Variants in EYA4 observed in about 807,000 individuals in gnomAD.
EYA4 encodes protein phosphatase EYA4.
Under a neutral mutation model 87.9 loss-of-function variants are expected in EYA4, and 31 were observed. The observed-to-expected ratio is 0.35, with a 90% CI of 0.27 to 0.48. The LOEUF is 0.48. EYA4 is among the 20% of genes least tolerant of loss of function. The pLI is 0.99. For missense variants in EYA4, 678 were observed against 761.4 expected, an observed-to-expected ratio of 0.89 and a Z score of 1.29; for synonymous variants, 263 against 270.6, an observed-to-expected ratio of 0.97 and a Z score of 0.28.
At chr6:133,257,809 T>G (rs1775458291) in intron 1 of EYA4, among the ~76,000 whole-genome samples, 1 of 152,204 alleles carries the variant, frequency 6.6e-6, no homozygotes, top group Admixed American at 6.5e-5. Context: ...TTTCCTGACA[T>G]GTGCTTTAGA....
chr6:133,430,051 A>G (rs533746515), intron 3 of EYA4, among the ~76,000 whole-genome samples: 10 of 152,042 alleles, frequency 6.6e-5, no homozygotes, highest in Non-Finnish European at 5.9e-5. Context: ...CCTAGTGTCT[A>G]TTGTTCCCAT....
chr6:133,378,926 GGTGT>G (rs10681162), intron 2 of EYA4, among the ~76,000 whole-genome samples: 4,222 of 141,792 alleles, frequency 0.03, 111 homozygotes, highest in South Asian at 0.13. Flanking sequence ...TTTCTGTCTT[GGTGT>G]GTGTGTGTGT....
chr6:133,512,279 C>A (rs1799219344), intron 14 of EYA4, among the ~76,000 whole-genome samples: 1 of 152,112 alleles, frequency 6.6e-6, no homozygotes, highest in Non-Finnish European at 1.5e-5. Flanking sequence ...TGAAGGCAAG[C>A]CCCTCTGTTG....
intron 3 of EYA4, among the ~76,000 whole-genome samples, chr6:133,417,882 C>T (rs1452918739): frequency 6.6e-6 from 1 of 152,114 alleles, no homozygotes; most frequent in African/African-American, 2.4e-5. Flanking sequence ...CCACAGGCGC[C>T]CTTTCACTCA....
At chr6:133,480,888 C>G (rs1796152154) in intron 11 of EYA4, among the ~76,000 whole-genome samples, 2 of 151,614 alleles carry the variant, frequency 1.3e-5, no homozygotes, top group Non-Finnish European at 2.9e-5. Context: ...ATGGAAATTC[C>G]AGGTCAGAGG....
chr6:133,274,372 T>G (rs1373108798), intron 1 of EYA4, among the ~76,000 whole-genome samples: 1 of 152,214 alleles, frequency 6.6e-6, no homozygotes, highest in Non-Finnish European at 1.5e-5. Context: ...AATGGTTAAT[T>G]CAAACTCTTG....
chr6:133,401,175 A>G (rs1333205461), intron 3 of EYA4, among the ~76,000 whole-genome samples: 1 of 152,176 alleles, frequency 6.6e-6, no homozygotes, highest in Non-Finnish European at 1.5e-5. Context: ...ACTCCTATGT[A>G]GGAGCTAAAA....
intron 2 of EYA4, among the ~76,000 whole-genome samples, chr6:133,319,818 C>T (rs1210845548): frequency 6.6e-6 from 1 of 151,502 alleles, no homozygotes; most frequent in South Asian, 2.1e-4. Context: ...CCAGCTCAAG[C>T]GATCCTCCCA....
intron 1 of EYA4, among the ~76,000 whole-genome samples, chr6:133,243,088 T>G (rs1312471764): frequency 1.8e-5 from 1 of 54,760 alleles, no homozygotes; most frequent in Admixed American, 1.8e-4. Context: ...TGGAGCAACT[T>G]CGTGTGTGTG....
At chr6:133,297,606 G>A (rs559653022) in intron 2 of EYA4, among the ~76,000 whole-genome samples, 1 of 152,252 alleles carries the variant, frequency 6.6e-6, no homozygotes, top group Admixed American at 6.5e-5. Flanking sequence ...TGAGTTCAGG[G>A]CAAACACAGC....
Position 133,332,069 on chromosome 6 carries a change from G to A in EYA4, c.34-50323G>A, listed in dbSNP as rs115943846. On this transcript the variant is annotated intron_variant, in intron 2 of 19. Transcript: ENST00000355286. Reference sequence around the variant, plus strand: ...TTCAGTGGGAACTCAACAGTTTCCCGGAAGTACTAGCTCTCTGCGTGGTCA... The same window carrying A: ...TTCAGTGGGAACTCAACAGTTTCCCAGAAGTACTAGCTCTCTGCGTGGTCA... Among the ~76,000 whole-genome samples the A allele has an allele frequency of 4.1e-3, 627 of 152,260 alleles. 5 individuals are homozygous for A. The highest frequency in any genetic ancestry group is 0.014 in the African/African-American group (591 of 41,548).
At chr6:133,269,302 A>C (rs1776493240) in intron 1 of EYA4, among the ~76,000 whole-genome samples, 2 of 152,152 alleles carry the variant, frequency 1.3e-5, no homozygotes, top group South Asian at 2.1e-4. Context: ...TACTGCATCA[A>C]CTTTCAGTGT....
intron 3 of EYA4, among the ~76,000 whole-genome samples, chr6:133,395,696 G>A (rs1340471708): frequency 1.3e-5 from 2 of 152,202 alleles, no homozygotes; most frequent in African/African-American, 4.8e-5. Flanking sequence ...GAGAGGTGGA[G>A]GTTGCAGTGA....
At chr6:133,255,752 A>C (rs770627009) in intron 1 of EYA4, among the ~76,000 whole-genome samples, 69 of 152,152 alleles carry the variant, frequency 4.5e-4, no homozygotes, top group Non-Finnish European at 7.5e-4. Context: ...ACATCAGTAC[A>C]TATAGTTTTG....
chr6:133,291,446 T>C (rs1778480736), intron 2 of EYA4, among the ~76,000 whole-genome samples: 2 of 152,202 alleles, frequency 1.3e-5, no homozygotes, highest in Admixed American at 1.3e-4. Context: ...ATATAATCAG[T>C]GTTTTTTAAA....
At chr6:133,484,847 T>C (rs1360459240) in intron 13 of EYA4, among the ~76,000 whole-genome samples, 1 of 152,196 alleles carries the variant, frequency 6.6e-6, no homozygotes, top group African/African-American at 2.4e-5. Context: ...GTTGCCCCCA[T>C]TGTGCCAAAT....
chr6:133,252,943 ACACACACACACACAC>A (rs1562208334), intron 1 of EYA4, among the ~76,000 whole-genome samples: 1 of 1,650 alleles, frequency 6.1e-4, no homozygotes, highest in Non-Finnish European at 2.0e-3. Context: ...GTACTTGAAA[ACACACACACACACAC>A]ACACACACAC....
chr6:133,263,232 T>A (rs1775937719), intron 1 of EYA4, among the ~76,000 whole-genome samples: 1 of 152,182 alleles, frequency 6.6e-6, no homozygotes, highest in Non-Finnish European at 1.5e-5. Context: ...TCCTATACCA[T>A]TGCAATATAA....
At chr6:133,503,129 T>C (rs1411853910) in intron 13 of EYA4, among the ~76,000 whole-genome samples, 1 of 152,170 alleles carries the variant, frequency 6.6e-6, no homozygotes, top group Non-Finnish European at 1.5e-5. Context: ...TGCATTTTGC[T>C]TTTTTTAAAA....
Sources: allele counts gnomAD v4.1 joint callset (sites outside exome capture counted in the v4.1 genomes callset), GRCh38; gene constraint gnomAD v4.1.1; transcripts MANE v1.5; gene names NCBI Gene and HGNC (gene_info 2026-07-23, HGNC 2026-07-21).